Variants in MAPK4 observed in about 807,000 individuals in gnomAD.
The protein encoded by MAPK4 is mitogen-activated protein kinase 4, also known as Erk3-related.
MAPK4 carries 22 observed loss-of-function variants against 47.7 expected under a neutral mutation model. The ratio of observed to expected loss-of-function variants is 0.46; its 90% CI spans 0.33 to 0.66. The LOEUF (loss-of-function observed/expected upper bound fraction) is 0.66, where lower values mean the gene tolerates loss of function less well. MAPK4 is among the 30% of genes least tolerant of loss of function. The pLI, the probability that MAPK4 is intolerant of heterozygous loss-of-function variation, is 0.02. For synonymous variants in MAPK4, 390 were observed against 365.7 expected (o/e 1.07, Z -0.76); for missense variants, 736 against 831.7 (o/e 0.88, Z 1.42).
intron 2 of MAPK4, chr18:50,705,084 C>G (rs1169800618): frequency 3.6e-6 from 1 of 277,282 alleles, no homozygotes; most frequent in Non-Finnish European, 6.7e-6. Flanking sequence ...CAATAGAAAA[C>G]CGGACCCATA....
At chr18:50,616,345 A>G (rs1031515310) in intron 1 of MAPK4, among the ~76,000 whole-genome samples, 1 of 152,158 alleles carries the variant, frequency 6.6e-6, no homozygotes, top group African/African-American at 2.4e-5. Context: ...AACTCTCCTC[A>G]GCCTCTGGAA....
At chr18:50,577,618 C>G (rs1598790224) in intron 1 of MAPK4, among the ~76,000 whole-genome samples, 1 of 152,114 alleles carries the variant, frequency 6.6e-6, no homozygotes, top group Non-Finnish European at 1.5e-5. Context: ...CAGGGTTACC[C>G]TGTGCTCAAT....
At chr18:50,593,578 C>A (rs2149368585) in intron 1 of MAPK4, among the ~76,000 whole-genome samples, 1 of 152,284 alleles carries the variant, frequency 6.6e-6, no homozygotes, top group South Asian at 2.1e-4. Context: ...AAGGGCAGGA[C>A]TTGTAGTGTG....
intron 2 of MAPK4, among the ~76,000 whole-genome samples, chr18:50,693,877 T>A (rs1909366362): frequency 6.6e-6 from 1 of 152,190 alleles, no homozygotes. Context: ...ACTTCTGACT[T>A]GAGGCTCAAT....
In MAPK4 at chr18:50,716,316, CCTT is replaced by C. The variant is rs1420913633; in HGVS notation, c.691+1097_691+1099del. Reference sequence around the variant, plus strand: ...CAGTAGTCAGCGACGACTGTCACCTCCTTCTTGAAACCCTCTTCCCTGGGTCTC... The same window carrying C: ...CAGTAGTCAGCGACGACTGTCACCTCCTTGAAACCCTCTTCCCTGGGTCTC... On this transcript the variant is annotated intron_variant, in intron 3 of 5. Transcript: ENST00000400384. Among the ~76,000 whole-genome samples, 6 of 152,172 alleles carry C rather than the reference CCTT, an allele frequency of 3.9e-5. No individual in the cohort carries two copies. The East Asian group carries it at 1.2e-3, about 29-fold the overall frequency.
At chr18:50,658,374 AGT>A (rs1190570024) in intron 1 of MAPK4, among the ~76,000 whole-genome samples, 1 of 152,182 alleles carries the variant, frequency 6.6e-6, no homozygotes, top group African/African-American at 2.4e-5. Flanking sequence ...TTAGAGCGTG[AGT>A]GTTGGACTTG....
chr18:50,700,535 A>C (rs1383057853), intron 2 of MAPK4, among the ~76,000 whole-genome samples: 2 of 151,976 alleles, frequency 1.3e-5, no homozygotes, highest in Non-Finnish European at 2.9e-5. Flanking sequence ...AAACATCAGC[A>C]CTCTTCTGTG....
chr18:50,604,073 C>T (rs952995151), intron 1 of MAPK4, among the ~76,000 whole-genome samples: 12 of 152,076 alleles, frequency 7.9e-5, no homozygotes, highest in African/African-American at 1.4e-4. Context: ...AAGAAAGAGT[C>T]ATAGAAGTAT....
chr18:50,625,808 G>A (rs2042771954), intron 1 of MAPK4, among the ~76,000 whole-genome samples: 1 of 151,832 alleles, frequency 6.6e-6, no homozygotes, highest in Non-Finnish European at 1.5e-5. Context: ...CTAGTGAGGA[G>A]TTCTTGGCTT....
intron 2 of MAPK4, among the ~76,000 whole-genome samples, chr18:50,680,450 A>G (rs577999171): frequency 4.6e-5 from 7 of 152,314 alleles, no homozygotes; most frequent in African/African-American, 1.7e-4. Context: ...CAGTTCACCT[A>G]TTTAAAGTCT....
chr18:50,678,028 G>A lies in MAPK4; in HGVS notation c.546+13524G>A, dbSNP rs1475865481. 2.0e-5 allele frequency among the ~76,000 whole-genome samples: 3 copies of A among 152,128 alleles called. No individual in the cohort carries two copies. The highest frequency in any genetic ancestry group is 4.4e-5 in the Non-Finnish European group (3 of 68,010). ...GCAGGTACTAACTAGTGCCATGTGA[G>A]CCTAAGCAAGTTACTTAACCTCCCT... On this transcript the variant is annotated intron_variant, in intron 2 of 5. Coordinates refer to ENST00000400384, the MANE Select transcript of MAPK4 (RefSeq NM_002747.4). The surrounding 1 kb of genome is among the most constrained non-coding windows in gnomAD (Gnocchi z 4.2).
In MAPK4 at chr18:50,678,790, T is replaced by C. The variant is rs1231968489; in HGVS notation, c.546+14286T>C. Among the ~76,000 whole-genome samples the C allele has an allele frequency of 1.3e-5, 2 of 152,300 alleles. No homozygotes were observed. The highest frequency in any genetic ancestry group is 3.9e-4 in the East Asian group (2 of 5,184). On this transcript the variant is annotated intron_variant, in intron 2 of 5. Coordinates refer to ENST00000400384, the MANE Select transcript of MAPK4 (RefSeq NM_002747.4). The surrounding 1 kb of genome is among the most constrained non-coding windows in gnomAD (Gnocchi z 4.2). ...ATGCACCTGGCAGGATCCCCTTGTTTTCTGGGTGAAGGCAGCAGGAAAGGG... is the reference window on the plus strand; with the variant it reads ...ATGCACCTGGCAGGATCCCCTTGTTCTCTGGGTGAAGGCAGCAGGAAAGGG...
intron 2 of MAPK4, among the ~76,000 whole-genome samples, chr18:50,703,759 A>G (rs1909908180): frequency 6.6e-6 from 1 of 152,190 alleles, no homozygotes; most frequent in South Asian, 2.1e-4. Flanking sequence ...AGATTCTGAG[A>G]CTTTATAAAT....
intron 1 of MAPK4, among the ~76,000 whole-genome samples, chr18:50,651,264 C>T (rs1461779594): frequency 3.3e-5 from 5 of 152,158 alleles, no homozygotes; most frequent in African/African-American, 1.2e-4. Context: ...GTCCACTCCG[C>T]ACCCAGTCGG....
In MAPK4 at chr18:50,718,001, G is replaced by A. The variant is rs1424042329; in HGVS notation, c.691+2778G>A. Among the ~76,000 whole-genome samples, 3 of 152,192 alleles carry A rather than the reference G, an allele frequency of 2.0e-5. No homozygotes were observed. In the East Asian group the frequency reaches 5.8e-4, roughly 29 times the overall value. On this transcript the variant is annotated intron_variant, in intron 3 of 5. Coordinates refer to ENST00000400384, the MANE Select transcript of MAPK4 (RefSeq NM_002747.4). Reference sequence around the variant, plus strand: ...GAGGCAGGGGGAGAAAGTCAGACAAGGGCCTCTCCAGGGAACTTATGGTCT... The same window carrying A: ...GAGGCAGGGGGAGAAAGTCAGACAAAGGCCTCTCCAGGGAACTTATGGTCT...
chr18:50,703,663 G>A (rs1330064346), intron 2 of MAPK4, among the ~76,000 whole-genome samples: 1 of 152,174 alleles, frequency 6.6e-6, no homozygotes, highest in East Asian at 1.9e-4. Flanking sequence ...TCCTGAGAAA[G>A]ACTGGTCCCC....
intron 3 of MAPK4, among the ~76,000 whole-genome samples, chr18:50,720,110 C>T (rs1008583178): frequency 6.6e-6 from 1 of 152,186 alleles, no homozygotes; most frequent in African/African-American, 2.4e-5. Flanking sequence ...CTCCATGCTT[C>T]ACACCTTCTC....
intron 1 of MAPK4, among the ~76,000 whole-genome samples, chr18:50,563,019 A>AT (rs1223702743): frequency 6.6e-6 from 1 of 152,062 alleles, no homozygotes; most frequent in Admixed American, 6.6e-5. Flanking sequence ...TGGTACAATG[A>AT]TTTTTTTCTC....
At chr18:50,563,660 A>C (rs954797509) in intron 1 of MAPK4, among the ~76,000 whole-genome samples, 1 of 152,110 alleles carries the variant, frequency 6.6e-6, no homozygotes, top group Non-Finnish European at 1.5e-5. Flanking sequence ...TTCTCTCTGC[A>C]TCCCTCCCTC....
Sources: allele counts gnomAD v4.1 joint callset (sites outside exome capture counted in the v4.1 genomes callset), GRCh38; gene constraint gnomAD v4.1.1; non-coding constraint Gnocchi (gnomAD v3.1); transcripts MANE v1.5; gene names NCBI Gene and HGNC (gene_info 2026-07-23, HGNC 2026-07-21).